The following SIAH2 variants were observed in gnomAD, a reference collection of about 807,000 sequenced individuals.
SIAH2 encodes E3 ubiquitin-protein ligase SIAH2.
SIAH2 carries 4 observed loss-of-function variants against 20.4 expected under a neutral mutation model. The ratio of observed to expected loss-of-function variants is 0.20; its 90% CI spans 0.10 to 0.45. The LOEUF (loss-of-function observed/expected upper bound fraction) is 0.45, where lower values mean the gene tolerates loss of function less well. Among genes scored for constraint, SIAH2 ranks in the 20% least tolerant of loss-of-function variants. SIAH2 has a pLI of 0.99. For synonymous variants in SIAH2, 171 were observed against 192.5 expected, an observed-to-expected ratio of 0.89 and a Z score of 0.93; for missense variants, 259 against 440.3, an observed-to-expected ratio of 0.59 and a Z score of 3.69.
chr3:150,755,517 A>AT (rs903340103), intron 1 of SIAH2, among the ~76,000 whole-genome samples: 2 of 148,668 alleles, frequency 1.3e-5, no homozygotes, highest in African/African-American at 2.5e-5. Context: ...TTATTTATTT[A>AT]TTTTTTTTAT....
intron 1 of SIAH2, among the ~76,000 whole-genome samples, chr3:150,752,954 C>T (rs1032722455): frequency 6.6e-6 from 1 of 152,194 alleles, no homozygotes; most frequent in Non-Finnish European, 1.5e-5. Context: ...AAAAACTGCA[C>T]GAGCATGGGT....
intron 1 of SIAH2, among the ~76,000 whole-genome samples, chr3:150,747,403 T>A (rs1714241692): frequency 6.6e-6 from 1 of 152,236 alleles, no homozygotes. Flanking sequence ...CAAGGACTTG[T>A]GCGTTTAAGC....
chr3:150,753,794 G>A (rs561272399), intron 1 of SIAH2, among the ~76,000 whole-genome samples: 41 of 147,466 alleles, frequency 2.8e-4, no homozygotes, highest in East Asian at 2.2e-3. Context: ...ACCCTGTCTC[G>A]AAACAAAAAA....
chr3:150,748,810 T>C lies in SIAH2; in HGVS notation c.418-6112A>G, dbSNP rs376706218. On this transcript the variant is annotated intron_variant, in intron 1 of 1. Coordinates refer to ENST00000312960, the MANE Select transcript of SIAH2 (RefSeq NM_005067.7). ...TAAGTAAGTTGTAATGATCACAGAA[T>C]GCATACTGATGGCTAAGTGCAATGC... is the stretch of plus-strand genomic sequence containing the variant. Among the ~76,000 whole-genome samples, 9 of 152,294 alleles carry C rather than the reference T, an allele frequency of 5.9e-5. No individual in the cohort carries two copies. In the South Asian group the frequency reaches 1.4e-3, roughly 25 times the overall value.
At position 150,762,646 on chromosome 3, in the gene SIAH2, G is replaced by A; in HGVS notation, c.204C>T (p.Ser68=). ...GCGAGGTCAGCTCGTGGTGCTGCGG[G>A]GACACCGGGCCGGCCCCGCCGCCGC... is the stretch of plus-strand genomic sequence containing the variant. ...PGGGGGAGPV[S]PQHHELTSLF... The change falls in exon 1 of 2, where the codon TCC becomes TCT. Residue 68 remains serine (S), a synonymous_variant. Transcript: ENST00000312960. This position sits in a 1 kb window ranked among gnomAD's most constrained non-coding sequence, Gnocchi z 6.6. The A allele has an allele frequency of 1.3e-6, 2 of 1,561,524 alleles. No individual in the cohort carries two copies. Among genetic ancestry groups the A allele is most frequent in the Non-Finnish European group, 1.7e-6 (2 of 1,158,504 alleles).
At position 150,759,368 on chromosome 3, in the gene SIAH2, T is replaced by A. The variant is rs557044280; in HGVS notation, c.417+3065A>T. Among the ~76,000 whole-genome samples, 91 of 152,228 alleles carry A rather than the reference T, an allele frequency of 6.0e-4. 2 individuals are homozygous for A. In the South Asian group the frequency reaches 0.018, roughly 30 times the overall value. On this transcript the variant is annotated intron_variant, in intron 1 of 1. Coordinates refer to ENST00000312960, the MANE Select transcript of SIAH2 (RefSeq NM_005067.7). The stretch of plus-strand genomic sequence containing the variant: ...CTAGGTTTGTAGGTTTCCCCCACCC[T>A]CCCATCTTCCTACCCTACATGCCCT...
chr3:150,743,533 T>A (rs897361133), intron 1 of SIAH2, among the ~76,000 whole-genome samples: 26 of 152,310 alleles, frequency 1.7e-4, no homozygotes, highest in African/African-American at 6.0e-4. Flanking sequence ...TGGTCAGGTA[T>A]GTCAGGTCCT....
At position 150,742,852 on chromosome 3, in the gene SIAH2, T is replaced by C. The variant is rs1714124376; in HGVS notation, c.418-154A>G. On this transcript the variant is annotated intron_variant, in intron 1 of 1. Coordinates refer to ENST00000312960, the MANE Select transcript of SIAH2 (RefSeq NM_005067.7). The surrounding 1 kb of genome is among the most constrained non-coding windows in gnomAD (Gnocchi z 4.8). ...CAAGTGAAATATTCAAGACTAAAAG[T>C]CTCCGTCTCTATTCATCATCAATGC... Among the ~76,000 whole-genome samples, 1 of 152,124 alleles carries C rather than the reference T, an allele frequency of 6.6e-6. No homozygotes were observed. Among genetic ancestry groups the C allele is most frequent in the African/African-American group, 2.4e-5 (1 of 41,426 alleles).
At position 150,762,974 on chromosome 3, in the gene SIAH2, G is replaced by C. The variant is rs1160524776; in HGVS notation, c.-125C>G. On this transcript the variant is annotated 5_prime_UTR_variant, in exon 1 of 2. Coordinates refer to ENST00000312960, the MANE Select transcript of SIAH2 (RefSeq NM_005067.7). The surrounding 1 kb of genome is among the most constrained non-coding windows in gnomAD (Gnocchi z 6.6). ...CGCCACGGCGCCCAGCCCAGGTCCG[G>C]GCGGCGGAGACGCTCGGCGCCCGGC... 9.4e-7 allele frequency: 1 copy of C among 1,062,886 alleles called. No homozygotes were observed. Among genetic ancestry groups the C allele is most frequent in the East Asian group, 5.8e-5 (1 of 17,096 alleles). The allele number at this position is 1,062,886 out of a possible 1,614,324, so 65.8% of individuals were successfully genotyped here.
intron 1 of SIAH2, among the ~76,000 whole-genome samples, chr3:150,760,696 T>C (rs2108126836): frequency 6.6e-6 from 1 of 152,358 alleles, no homozygotes; most frequent in Non-Finnish European, 1.5e-5. Flanking sequence ...AGCCATTTCT[T>C]TTGTTAGCCG....
chr3:150,759,988 G>A (rs1034675675), intron 1 of SIAH2, among the ~76,000 whole-genome samples: 42 of 152,286 alleles, frequency 2.8e-4, no homozygotes, highest in African/African-American at 1.0e-3. Flanking sequence ...AGCAGGTGGG[G>A]ACAGTAAAAA....
intron 1 of SIAH2, among the ~76,000 whole-genome samples, chr3:150,749,862 GGCCTTGGCA>G (rs1401712653): frequency 6.6e-6 from 1 of 152,002 alleles, no homozygotes; most frequent in African/African-American, 2.4e-5. Context: ...ACAAGTCTGT[GGCCTTGGCA>G]TGTAGTTTCA....
Position 150,742,659 on chromosome 3 carries a change from C to A in SIAH2, c.457G>T (p.Glu153Ter). 2 of 1,574,778 alleles carry A rather than the reference C, an allele frequency of 1.3e-6. No homozygotes were observed. The highest frequency in any genetic ancestry group is 8.6e-7 in the Non-Finnish European group (1 of 1,157,898). Residue 153 changes from glutamate to a stop codon, truncating the protein, a stop_gained, in exon 2 of 2, where the codon GAG (glutamate) becomes TAG (stop). Transcript: ENST00000312960. LOFTEE classifies it high-confidence loss of function. This position sits in a 1 kb window ranked among gnomAD's most constrained non-coding sequence, Gnocchi z 4.8. ...CATATGTCTTCATGTTCTGGTTTCTCCGTATGGTGCAGGGTCAGGGAACAG... is the reference window on the plus strand; with the variant it reads ...CATATGTCTTCATGTTCTGGTTTCTACGTATGGTGCAGGGTCAGGGAACAG... ...TGCSLTLHHT[E>*]KPEHEDICEY...
At chr3:150,750,387 G>A (rs1714330317) in intron 1 of SIAH2, among the ~76,000 whole-genome samples, 1 of 152,124 alleles carries the variant, frequency 6.6e-6, no homozygotes, top group East Asian at 1.9e-4. Context: ...AAGATGGAAT[G>A]TTTTCCACCA....
Position 150,762,662 on chromosome 3 carries a change from C to T in SIAH2, c.188G>A (p.Gly63Glu), listed in dbSNP as rs569310827. 1 of 1,385,066 alleles carries T rather than the reference C, an allele frequency of 7.2e-7. No homozygotes were observed. Among genetic ancestry groups the T allele is most frequent in the Admixed American group, 2.8e-5 (1 of 36,204 alleles). The allele number at this position is 1,385,066 out of a possible 1,614,324, so 85.8% of individuals were successfully genotyped here. A position where few individuals can be genotyped will look rare whatever the true frequency, so the allele number is the denominator to read the frequency against. ...GTGCTGCGGGGACACCGGGCCGGCC[C>T]CGCCGCCGCCGCCGGGGCCCGAGAT... ...AVISGPGGGGGAGPVSPQHHE... is the reference protein window; with the variant it reads ...AVISGPGGGGEAGPVSPQHHE... Residue 63 changes from glycine to glutamate, a missense_variant, in exon 1 of 2, where the codon GGG (glycine) becomes GAG (glutamate). Around this residue, in one of 2 missense-constraint regions of SIAH2, gnomAD observed 99 missense variants for 112.7 expected, o/e 0.88. Coordinates refer to ENST00000312960, the MANE Select transcript of SIAH2 (RefSeq NM_005067.7). The surrounding 1 kb of genome is among the most constrained non-coding windows in gnomAD (Gnocchi z 6.6).
chr3:150,744,876 T>C (rs1202938590), intron 1 of SIAH2, among the ~76,000 whole-genome samples: 5 of 152,160 alleles, frequency 3.3e-5, no homozygotes, highest in Admixed American at 2.6e-4. Flanking sequence ...ATTTTATAAC[T>C]TTCCCCACTC....
In SIAH2 at chr3:150,742,438, G is replaced by C; in HGVS notation, c.678C>G (p.Gly226=). 3.7e-6 allele frequency: 6 copies of C among 1,614,184 alleles called. No homozygotes were observed. Among genetic ancestry groups the C allele is most frequent in the Non-Finnish European group, 5.1e-6 (6 of 1,180,026 alleles). Reference sequence around the variant, plus strand: ...TCTCCAGCACCAGCATGAAGTGATGGCCAAAACATGACTGCATCATCACCC... The same window carrying C: ...TCTCCAGCACCAGCATGAAGTGATGCCCAAAACATGACTGCATCATCACCC... The part of the protein sequence containing the change: ...VDWVMMQSCF[G]HHFMLVLEKQ... Residue 226 remains glycine, a synonymous_variant, in exon 2 of 2, where the codon GGC becomes GGG. Transcript: ENST00000312960. The surrounding 1 kb of genome is among the most constrained non-coding windows in gnomAD (Gnocchi z 4.8).
rs558838866 is a variant in SIAH2 at position 150,753,291 on chromosome 3, G to A, written c.417+9142C>T. ...GGGAAGGAGAGGGCCTGGAACTGCA[G>A]GAGATTCCAAGGCAAGAGTGAGTAT... is the stretch of plus-strand genomic sequence containing the variant. On this transcript the variant is annotated intron_variant, in intron 1 of 1. Coordinates refer to ENST00000312960, the MANE Select transcript of SIAH2 (RefSeq NM_005067.7). 3.3e-5 allele frequency among the ~76,000 whole-genome samples: 5 copies of A among 152,318 alleles called. No individual in the cohort carries two copies. The East Asian group carries it at 7.7e-4, about 24-fold the overall frequency.
chr3:150,755,753 G>T (rs1195752393), intron 1 of SIAH2, among the ~76,000 whole-genome samples: 1 of 151,942 alleles, frequency 6.6e-6, no homozygotes, highest in Non-Finnish European at 1.5e-5. Context: ...CCAATCTCAG[G>T]TGATCTGCCC....
Sources: gnomAD v4.1 joint callset for allele counts (sites outside exome capture counted in the v4.1 genomes callset) on GRCh38, gnomAD v4.1.1 for gene constraint, gnomAD v4.1.1 regional missense constraint, Gnocchi (gnomAD v3.1) non-coding constraint, MANE v1.5 for transcripts, NCBI Gene and HGNC (gene_info 2026-07-23, HGNC 2026-07-21) for gene names.